The following CCDC33 variants were observed in gnomAD, a reference collection of about 807,000 sequenced individuals.
CCDC33 encodes coiled-coil domain-containing protein 33.
CCDC33 carries 94 observed loss-of-function variants against 91.9 expected under a neutral mutation model. The observed-to-expected ratio is 1.02, with a 90% confidence interval of 0.87 to 1.21. The LOEUF (loss-of-function observed/expected upper bound fraction) is 1.21, where lower values mean the gene tolerates loss of function less well. Ranked by LOEUF, CCDC33 falls within the 50% of genes most tolerant of loss-of-function variation. The pLI is 0.00. For missense variants in CCDC33, 940 were observed against 935.5 expected (o/e 1.00, Z -0.06); for synonymous variants, 396 against 374.5 (o/e 1.06, Z -0.66).
chr15:74,332,768 A>T lies in CCDC33; in HGVS notation c.1861A>T (p.Asn621Tyr), dbSNP rs567165147. ...ACTTTACTCGGTGCTGCTGGCAGAAAACGCGAAGCTGCGGACGGAGCTGGA... is the reference window on the plus strand; with the variant it reads ...ACTTTACTCGGTGCTGCTGGCAGAATACGCGAAGCTGCGGACGGAGCTGGA... ...VELYSVLLAENAKLRTELDKN... is the reference protein window; with the variant it reads ...VELYSVLLAEYAKLRTELDKN... Residue 621 changes from asparagine (N) to tyrosine (Y), a missense_variant, in exon 16 of 19, where the codon AAC becomes TAC. Asn to Tyr is a moderately radical substitution (Grantham distance 143). Transcript: ENST00000398814. The T allele has an allele frequency of 1.7e-5, 28 of 1,614,192 alleles. No homozygotes were observed. The South Asian group carries it at 2.6e-4, about 15-fold the overall frequency.
intron 2 of CCDC33, among the ~76,000 whole-genome samples, chr15:74,222,193 C>T (rs899643855): frequency 4.5e-4 from 68 of 152,216 alleles, no homozygotes; most frequent in Admixed American, 4.3e-3. Flanking sequence ...TCACTGCCCT[C>T]TCCAAGAGAT....
intron 7 of CCDC33, among the ~76,000 whole-genome samples, chr15:74,275,815 G>A (rs530786419): frequency 1.3e-5 from 2 of 152,136 alleles, no homozygotes; most frequent in Non-Finnish European, 2.9e-5. Flanking sequence ...GATTACAGGC[G>A]AGCGCCACCA....
At chr15:74,282,911 T>C (rs1254343078) in intron 10 of CCDC33, among the ~76,000 whole-genome samples, 1 of 152,218 alleles carries the variant, frequency 6.6e-6, no homozygotes, top group Non-Finnish European at 1.5e-5. Context: ...TTTAGGACCA[T>C]GAACCCAGAA....
intron 6 of CCDC33, 58 bp from the exon 7 acceptor site, chr15:74,272,713 G>A: frequency 1.9e-6 from 3 of 1,596,102 alleles, no homozygotes; most frequent in Non-Finnish European, 2.6e-6. Flanking sequence ...GGGGGCCCTG[G>A]GCTGCCAGGC....
chr15:74,203,848 G>A (rs1022056445), intron 1 of CCDC33, among the ~76,000 whole-genome samples: 1 of 151,964 alleles, frequency 6.6e-6, no homozygotes, highest in Admixed American at 6.6e-5. Context: ...GAACCTTTCC[G>A]TGGTGATCTG....
rs377498583 is a variant in CCDC33, at chr15:74,307,345, G to C, written c.1290+11397G>C. On this transcript the variant is annotated intron_variant, in intron 11 of 18. Coordinates refer to ENST00000398814, the MANE Select transcript of CCDC33 (RefSeq NM_025055.5). ...TCAAGATTCACTGAGCTCGTACTCT[G>C]TACCCAGAACTTCGGTCACAATCTC... 5.0e-4 allele frequency among the ~76,000 whole-genome samples: 76 copies of C among 152,288 alleles called. 1 individual carries two copies. Among genetic ancestry groups the C allele is most frequent in the Non-Finnish European group, 9.4e-4 (64 of 68,030 alleles).
intron 1 of CCDC33, among the ~76,000 whole-genome samples, chr15:74,238,703 G>A (rs2075257686): frequency 6.6e-6 from 1 of 151,932 alleles, no homozygotes; most frequent in African/African-American, 2.4e-5. Context: ...TCATCTTTTG[G>A]AATGCTTCTC....
upstream of CCDC33, chr15:74,212,688 C>G (rs569743872): frequency 6.6e-6 from 1 of 152,296 alleles, no homozygotes; most frequent in Admixed American, 6.5e-5. Context: ...CCTGTTGGAA[C>G]TCAGAAAATA....
chr15:74,269,495 G>T (rs117963603), intron 5 of CCDC33, among the ~76,000 whole-genome samples: 1,652 of 152,194 alleles, frequency 0.011, 21 homozygotes, highest in Non-Finnish European at 0.019. Flanking sequence ...GGCGCCCTCT[G>T]CTCCCCGCCA....
At chr15:74,323,344 G>T (rs1323895725) in intron 11 of CCDC33, among the ~76,000 whole-genome samples, 2 of 151,542 alleles carry the variant, frequency 1.3e-5, no homozygotes, top group Admixed American at 1.3e-4. Flanking sequence ...TGAACATATA[G>T]AACATAATTA....
At chr15:74,208,032 C>G in intron 1 of CCDC33, 14 of 1,361,356 alleles carry the variant, frequency 1.0e-5, no homozygotes, top group Non-Finnish European at 1.3e-5. Context: ...ATGCCCCCCT[C>G]ACCAACAGCA....
chr15:74,247,975 G>A (rs1566967881), intron 2 of CCDC33, among the ~76,000 whole-genome samples: 1 of 152,144 alleles, frequency 6.6e-6, no homozygotes, highest in Non-Finnish European at 1.5e-5. Context: ...TACTTGGGAG[G>A]CTGAGGCAGG....
intron 1 of CCDC33, among the ~76,000 whole-genome samples, chr15:74,208,460 G>C (rs1013162022): frequency 3.9e-5 from 6 of 152,118 alleles, no homozygotes; most frequent in Admixed American, 3.3e-4. Context: ...TGACTGCTGG[G>C]CAGATCCCCT....
chr15:74,252,907 A>G (rs949913439), intron 2 of CCDC33, among the ~76,000 whole-genome samples: 1 of 152,198 alleles, frequency 6.6e-6, no homozygotes, highest in African/African-American at 2.4e-5. Flanking sequence ...TCCCAGGGTT[A>G]TAAACACAGC....
At chr15:74,310,061 G>T (rs147772112) in intron 11 of CCDC33, among the ~76,000 whole-genome samples, 2,015 of 152,088 alleles carry the variant, frequency 0.013, 22 homozygotes, top group Middle Eastern at 0.065. Context: ...TGAGGTGGGA[G>T]AATTGCTTGA....
chr15:74,250,430 T>C (rs933108319), intron 2 of CCDC33, among the ~76,000 whole-genome samples: 10 of 152,140 alleles, frequency 6.6e-5, no homozygotes, highest in Non-Finnish European at 1.5e-5. Flanking sequence ...GAGCAAACCC[T>C]GTTCCCTCCC....
At chr15:74,274,393 G>T (rs1440954978) in intron 7 of CCDC33, among the ~76,000 whole-genome samples, 2 of 152,214 alleles carry the variant, frequency 1.3e-5, no homozygotes, top group Admixed American at 6.5e-5. Context: ...GGCCTTGGGG[G>T]ACAGAGGGAT....
At chr15:74,215,434 G>A (rs901122226), upstream of CCDC33, among the ~76,000 whole-genome samples, 3 of 152,154 alleles carry the variant, frequency 2.0e-5, no homozygotes, top group Non-Finnish European at 4.4e-5. Context: ...AAGATGAAAA[G>A]AGTTCTGGAG....
chr15:74,245,092 G>T (rs901129), intron 2 of CCDC33, among the ~76,000 whole-genome samples: 1 of 152,082 alleles, frequency 6.6e-6, no homozygotes, highest in African/African-American at 2.4e-5. Flanking sequence ...CCCTCTTCTG[G>T]AGCTCCACAG....
Sources: allele counts gnomAD v4.1 joint callset (sites outside exome capture counted in the v4.1 genomes callset), GRCh38; gene constraint gnomAD v4.1.1; transcripts MANE v1.5; gene names NCBI Gene and HGNC (gene_info 2026-07-23, HGNC 2026-07-21).